The following CD47 variants were observed in gnomAD, a reference collection of about 807,000 sequenced individuals.
CD47 encodes CD47 molecule.
In CD47, 11 loss-of-function variants were observed where a neutral mutation model predicts 44.6. That is an observed-to-expected ratio of 0.25 (90% CI 0.16 to 0.41). The LOEUF is 0.41. CD47 is among the 10% of genes least tolerant of loss of function. The pLI, the probability that CD47 is intolerant of heterozygous loss-of-function variation, is 1.00. For synonymous variants in CD47, 140 were observed against 136.3 expected (o/e 1.03, Z -0.19); for missense variants, 306 against 386.7 (o/e 0.79, Z 1.75).
At chr3:108,075,320 T>C (rs902963635) in intron 2 of CD47, among the ~76,000 whole-genome samples, 5 of 152,136 alleles carry the variant, frequency 3.3e-5, no homozygotes, top group African/African-American at 7.2e-5. Context: ...TGAAGTGTTA[T>C]TAAAACCCAG....
chr3:108,089,714 T>C (rs116240606), intron 1 of CD47, among the ~76,000 whole-genome samples: 270 of 152,238 alleles, frequency 1.8e-3, no homozygotes, highest in African/African-American at 6.2e-3. Context: ...AGCAGAGACT[T>C]AAGGGCATCT....
intron 2 of CD47, among the ~76,000 whole-genome samples, chr3:108,072,876 T>C (rs905658764): frequency 5.1e-4 from 77 of 152,190 alleles, no homozygotes; most frequent in African/African-American, 1.7e-3. Flanking sequence ...CTCACAATTA[T>C]GATGTGAGAA....
intron 1 of CD47, among the ~76,000 whole-genome samples, chr3:108,083,729 G>A (rs924042044): frequency 5.3e-5 from 8 of 151,744 alleles, no homozygotes; most frequent in African/African-American, 7.3e-5. Context: ...GTAAATGTTC[G>A]CTTCTTTTTA....
intron 10 of CD47, among the ~76,000 whole-genome samples, chr3:108,047,707 C>T (rs2078744284): frequency 6.6e-6 from 1 of 152,192 alleles, no homozygotes; most frequent in African/African-American, 2.4e-5. Flanking sequence ...CCCTAGGAAG[C>T]ACCCTGAACC....
At chr3:108,082,525 GTTAA>G (rs1434413085) in intron 1 of CD47, among the ~76,000 whole-genome samples, 2 of 151,888 alleles carry the variant, frequency 1.3e-5, no homozygotes, top group African/African-American at 2.4e-5. Flanking sequence ...TAGTTTGCTT[GTTAA>G]TTAATTAGTG....
At chr3:108,084,939 T>C (rs2079490793) in intron 1 of CD47, among the ~76,000 whole-genome samples, 2 of 152,118 alleles carry the variant, frequency 1.3e-5, no homozygotes, top group South Asian at 2.1e-4. Flanking sequence ...CTGGCCCTGA[T>C]GTATTTTCTA....
chr3:108,061,286 C>T (rs944454412), intron 3 of CD47, among the ~76,000 whole-genome samples: 4 of 150,408 alleles, frequency 2.7e-5, no homozygotes, highest in African/African-American at 9.8e-5. Flanking sequence ...TGTCAATGCC[C>T]CCGATGAGCA....
At chr3:108,059,684 T>G (rs1341078441) in intron 4 of CD47, 140 bp from the exon 5 acceptor site, 1 of 452,262 alleles carries the variant, frequency 2.2e-6, no homozygotes, top group Non-Finnish European at 4.0e-6. Context: ...GTGACTATTT[T>G]TTGATTAAGA....
At chr3:108,076,945 T>A (rs1018978718) in intron 2 of CD47, among the ~76,000 whole-genome samples, 13 of 152,176 alleles carry the variant, frequency 8.5e-5, no homozygotes, top group African/African-American at 3.1e-4. Context: ...CAACTTTTCT[T>A]AAGCTATTAA....
At chr3:108,057,638 C>A in intron 6 of CD47, 69 bp from the exon 7 acceptor site, 2 of 807,406 alleles carry the variant, frequency 2.5e-6, no homozygotes, top group Admixed American at 2.1e-5. Flanking sequence ...CAGTAATAAT[C>A]CCAAGTTTTA....
Position 108,090,979 on chromosome 3 carries a change from G to T in CD47, c.-71C>A. 1.7e-6 allele frequency: 2 copies of T among 1,161,518 alleles called. No homozygotes were observed. Among genetic ancestry groups the T allele is most frequent in the Non-Finnish European group, 2.3e-6 (2 of 880,900 alleles). The allele number at this position is 1,161,518 out of a possible 1,614,324, so 72.0% of individuals were successfully genotyped here. ...AGCAGCAGCCGCCGCCGCCGTTACA[G>T]GCAGGACCGACCGCCGCCGCGCGTC... On this transcript the variant is annotated 5_prime_UTR_variant, in exon 1 of 11. In the 5' UTR this introduces an upstream ATG that the reference lacks. Transcript: ENST00000361309.
chr3:108,053,939 A>G (rs932860509), intron 7 of CD47: 4 of 152,274 alleles, frequency 2.6e-5, no homozygotes, highest in Non-Finnish European at 5.9e-5. Context: ...AGTTACATGT[A>G]TATACAACTG....
rs554536957 is a variant in CD47, at chr3:108,084,655, A to G, written c.47-4311T>C. ...AGTTACTTCAAAGTCAGTATGTCCAAAAACTTACGTACCCCCACTTCTTAC... is the reference window on the plus strand; with the variant it reads ...AGTTACTTCAAAGTCAGTATGTCCAGAAACTTACGTACCCCCACTTCTTAC... On this transcript the variant is annotated intron_variant, in intron 1 of 10. Coordinates refer to ENST00000361309, the MANE Select transcript of CD47 (RefSeq NM_001777.4). Among the ~76,000 whole-genome samples, 5 of 152,208 alleles carry G rather than the reference A, an allele frequency of 3.3e-5. No individual in the cohort carries two copies. In the South Asian group the frequency reaches 8.3e-4, roughly 25 times the overall value.
chr3:108,080,368 T>A (rs764326927), intron 1 of CD47, 24 bp from the exon 2 acceptor site: 3 of 1,266,036 alleles, frequency 2.4e-6, no homozygotes, highest in African/African-American at 3.0e-5. Context: ...AGAAAAATGT[T>A]TCATTAATTA....
At chr3:108,058,582 AC>A (rs1463298118) in intron 5 of CD47, among the ~76,000 whole-genome samples, 153 bp from the exon 6 acceptor site, 1 of 152,186 alleles carries the variant, frequency 6.6e-6, no homozygotes, top group African/African-American at 2.4e-5. Context: ...CAGTGATCTA[AC>A]CCTTCCACAC....
chr3:108,050,130 T>G (rs1392251998), intron 9 of CD47, among the ~76,000 whole-genome samples: 4 of 152,112 alleles, frequency 2.6e-5, no homozygotes, highest in Non-Finnish European at 5.9e-5. Context: ...TCTTTTTTAT[T>G]TTTTTTGAGA....
chr3:108,072,969 A>T (rs1388050874), intron 2 of CD47, among the ~76,000 whole-genome samples: 3 of 152,102 alleles, frequency 2.0e-5, no homozygotes. Flanking sequence ...TTCATGTTCC[A>T]CAATGAATCC....
At chr3:108,048,375 T>G (rs1182208506) in intron 10 of CD47, among the ~76,000 whole-genome samples, 1 of 67,800 alleles carries the variant, frequency 1.5e-5, no homozygotes, top group Non-Finnish European at 3.6e-5. Flanking sequence ...TGGAGTGTTT[T>G]TTTTTTTTTT....
chr3:108,052,091 T>A (rs9855486), intron 7 of CD47, 121 bp from the exon 8 acceptor site: 81,146 of 561,422 alleles, frequency 0.14, 6,667 homozygotes, highest in Middle Eastern at 0.2. Context: ...GAGATGTTAA[T>A]GAAAGAGTTC....
Sources: allele counts gnomAD v4.1 joint callset (sites outside exome capture counted in the v4.1 genomes callset), GRCh38; gene constraint gnomAD v4.1.1; transcripts MANE v1.5; gene names NCBI Gene and HGNC (gene_info 2026-07-23, HGNC 2026-07-21).